Variants in KCNIP4 observed in about 807,000 individuals in gnomAD.
The protein encoded by KCNIP4 is Kv channel-interacting protein 4.
In KCNIP4, 12 loss-of-function variants were observed where a neutral mutation model predicts 34.0. That is an observed-to-expected ratio of 0.35 (90% confidence interval 0.23 to 0.57). KCNIP4 has a LOEUF of 0.57. Ranked by LOEUF, KCNIP4 falls within the 20% of genes least tolerant of loss-of-function variation. KCNIP4 has a pLI of 0.83. For synonymous variants in KCNIP4, 124 were observed against 102.2 expected (o/e 1.21, Z -1.29); for missense variants, 238 against 311.7 (o/e 0.76, Z 1.78).
At chr4:21,293,045 T>TGCTTTTCAAATAATTGTCATAA (rs1560261392) in intron 1 of KCNIP4, among the ~76,000 whole-genome samples, 2 of 152,210 alleles carry the variant, frequency 1.3e-5, no homozygotes, top group African/African-American at 4.8e-5. Flanking sequence ...TTTAGGGTGA[T>TGCTTTTCAAATAATTGTCATAA]ACTCGACATC....
chr4:21,483,509 G>T (rs1731629671), intron 1 of KCNIP4, among the ~76,000 whole-genome samples: 1 of 152,200 alleles, frequency 6.6e-6, no homozygotes, highest in Non-Finnish European at 1.5e-5. Context: ...AAGTGTGTGG[G>T]CCGGGCGTGG....
chr4:20,850,460 G>A, intron 3 of KCNIP4, 83 bp downstream of exon 3: 1 of 1,397,024 alleles, frequency 7.2e-7, no homozygotes. Context: ...CTCATAGAAT[G>A]GGATATTTTC....
rs985084014 is a variant in KCNIP4, at chr4:21,332,132, T to C, written c.62-449423A>G. 4.6e-5 allele frequency among the ~76,000 whole-genome samples: 7 copies of C among 152,154 alleles called. No homozygotes were observed. The South Asian group carries it at 1.0e-3, about 23-fold the overall frequency. ...GTTAATCCAGACAAGTTTATTTACA[T>C]AAAATGGAATCAGAAGCAGCAAACT... On this transcript the variant is annotated intron_variant, in intron 1 of 8. Coordinates refer to ENST00000382152, the MANE Select transcript of KCNIP4 (RefSeq NM_025221.6).
At chr4:21,462,199 T>TC (rs1407827152) in intron 1 of KCNIP4, among the ~76,000 whole-genome samples, 1 of 152,020 alleles carries the variant, frequency 6.6e-6, no homozygotes, top group Non-Finnish European at 1.5e-5. Flanking sequence ...CCATTCCCCT[T>TC]CCCCCATGTA....
chr4:20,856,456 G>C (rs962261072), intron 2 of KCNIP4, among the ~76,000 whole-genome samples: 2 of 152,034 alleles, frequency 1.3e-5, no homozygotes, highest in Non-Finnish European at 2.9e-5. Flanking sequence ...CCACACTCTG[G>C]TTCTTGTATA....
intron 1 of KCNIP4, among the ~76,000 whole-genome samples, chr4:20,991,979 G>T (rs921763387): frequency 6.6e-6 from 1 of 152,136 alleles, no homozygotes; most frequent in Non-Finnish European, 1.5e-5. Flanking sequence ...CTCATTTCTT[G>T]CACCACAACA....
chr4:20,890,806 A>G (rs371022042), intron 1 of KCNIP4, among the ~76,000 whole-genome samples: 33 of 152,320 alleles, frequency 2.2e-4, no homozygotes, highest in African/African-American at 5.8e-4. Context: ...ATTTTTACCA[A>G]TTGGAAAGGT....
In KCNIP4 at chr4:21,036,851, C is replaced by G. The variant is rs577755266; in HGVS notation, c.62-154142G>C. 1.6e-4 allele frequency among the ~76,000 whole-genome samples: 24 copies of G among 152,176 alleles called. 1 individual carries two copies. Among genetic ancestry groups the G allele is most frequent in the Admixed American group, 1.2e-3 (18 of 15,296 alleles). ...ACAGACCACATGTATGATGATGGTCCCATAAGATTATAATTAAACTAAAAA... is the reference window on the plus strand; with the variant it reads ...ACAGACCACATGTATGATGATGGTCGCATAAGATTATAATTAAACTAAAAA... On this transcript the variant is annotated intron_variant, in intron 1 of 8. Coordinates refer to ENST00000382152, the MANE Select transcript of KCNIP4 (RefSeq NM_025221.6).
intron 1 of KCNIP4, among the ~76,000 whole-genome samples, chr4:21,257,458 C>T (rs1402359833): frequency 6.6e-6 from 1 of 152,008 alleles, no homozygotes; most frequent in African/African-American, 2.4e-5. Context: ...GTATCAGAAA[C>T]TCTAGGCTGC....
rs113829845 is a variant in KCNIP4, at chr4:21,313,885, C to A, written c.62-431176G>T. 5.9e-5 allele frequency among the ~76,000 whole-genome samples: 9 copies of A among 152,240 alleles called. 1 individual carries two copies. Among genetic ancestry groups the A allele is most frequent in the African/African-American group, 9.6e-5 (4 of 41,546 alleles). On this transcript the variant is annotated intron_variant, in intron 1 of 8. Transcript: ENST00000382152. ...TTCTACTGCTGCATAGCACATCATC[C>A]CAAATTGAGTGACTTAGAACAACAC...
At chr4:21,687,214 A>G (rs980912434) in intron 1 of KCNIP4, among the ~76,000 whole-genome samples, 4 of 146,386 alleles carry the variant, frequency 2.7e-5, no homozygotes, top group Non-Finnish European at 6.0e-5. Flanking sequence ...GATATACCTA[A>G]TGCTAGATGA....
chr4:21,202,241 T>C (rs944816188), intron 1 of KCNIP4, among the ~76,000 whole-genome samples: 6 of 152,280 alleles, frequency 3.9e-5, no homozygotes, highest in African/African-American at 1.4e-4. Context: ...TGGAATACTA[T>C]GCAGCCATAC....
intron 1 of KCNIP4, among the ~76,000 whole-genome samples, chr4:21,612,932 TATC>T (rs1421817781): frequency 3.9e-5 from 6 of 152,106 alleles, no homozygotes; most frequent in African/African-American, 1.4e-4. Context: ...ATAGAAGTAA[TATC>T]ATTCTTAGTT....
intron 3 of KCNIP4, among the ~76,000 whole-genome samples, chr4:20,779,994 G>A (rs140991998): frequency 1.3e-5 from 2 of 152,272 alleles, no homozygotes; most frequent in Non-Finnish European, 2.9e-5. Flanking sequence ...CTTTCAGTTT[G>A]TAGTATGTTG....
chr4:21,261,736 C>G (rs1386686746), intron 1 of KCNIP4, among the ~76,000 whole-genome samples: 2 of 152,124 alleles, frequency 1.3e-5, no homozygotes, highest in Non-Finnish European at 2.9e-5. Context: ...GTCTACAATA[C>G]AAGCTAGTGC....
chr4:21,284,562 G>C (rs1387561859), intron 1 of KCNIP4, among the ~76,000 whole-genome samples: 1 of 152,278 alleles, frequency 6.6e-6, no homozygotes, highest in African/African-American at 2.4e-5. Flanking sequence ...ATGAGATGTA[G>C]GAAGGTAAAA....
At chr4:20,864,062 G>C (rs1722521682) in intron 2 of KCNIP4, among the ~76,000 whole-genome samples, 1 of 143,908 alleles carries the variant, frequency 6.9e-6, no homozygotes, top group African/African-American at 2.6e-5. Context: ...GTATACACAT[G>C]TATGTATACG....
chr4:21,639,624 ACTT>A (rs1195980214), intron 1 of KCNIP4, among the ~76,000 whole-genome samples: 1 of 152,196 alleles, frequency 6.6e-6, no homozygotes, highest in Non-Finnish European at 1.5e-5. Flanking sequence ...AATATAAACA[ACTT>A]CTAGGACATT....
intron 1 of KCNIP4, among the ~76,000 whole-genome samples, chr4:21,455,025 C>A (rs1347004252): frequency 2.6e-5 from 4 of 151,992 alleles, no homozygotes; most frequent in East Asian, 1.9e-4. Flanking sequence ...CAGTCCCAGG[C>A]AAACAAGGCC....
Sources: allele counts gnomAD v4.1 joint callset (sites outside exome capture counted in the v4.1 genomes callset), GRCh38; gene constraint gnomAD v4.1.1; transcripts MANE v1.5; gene names NCBI Gene and HGNC (gene_info 2026-07-23, HGNC 2026-07-21).